KCNAB1: variants seen among roughly 807,000 people sequenced by gnomAD.
KCNAB1 encodes the protein voltage-gated potassium channel subunit beta-1.
Under a neutral mutation model 64.6 loss-of-function variants are expected in KCNAB1, and 35 were observed. The ratio of observed to expected loss-of-function variants is 0.54; its 90% confidence interval spans 0.41 to 0.72. The LOEUF (loss-of-function observed/expected upper bound fraction) is 0.72. Ranked by LOEUF, KCNAB1 falls within the 30% of genes least tolerant of loss-of-function variation. KCNAB1 has a pLI of 0.00. For synonymous variants in KCNAB1, 177 were observed against 183.8 expected, an observed-to-expected ratio of 0.96 and a Z score of 0.30; for missense variants, 401 against 512.9, an observed-to-expected ratio of 0.78 and a Z score of 2.11.
At chr3:156,229,726 C>T (rs1055816397) in intron 1 of KCNAB1, among the ~76,000 whole-genome samples, 2 of 152,160 alleles carry the variant, frequency 1.3e-5, no homozygotes, top group Non-Finnish European at 2.9e-5. Context: ...AGAAATGTAT[C>T]GAAGACCTTC....
At chr3:156,348,025 C>T (rs953123843) in intron 1 of KCNAB1, among the ~76,000 whole-genome samples, 8 of 152,068 alleles carry the variant, frequency 5.3e-5, no homozygotes, top group Non-Finnish European at 1.0e-4. Context: ...ACACAGGGCC[C>T]CTTTCTGCTA....
intron 8 of KCNAB1, among the ~76,000 whole-genome samples, chr3:156,478,972 C>T (rs1576919325): frequency 1.3e-5 from 2 of 152,248 alleles, no homozygotes; most frequent in Non-Finnish European, 2.9e-5. Flanking sequence ...CCATGGAATA[C>T]AGTTAGACAT....
chr3:156,187,531 A>C (rs533526410), intron 1 of KCNAB1, among the ~76,000 whole-genome samples: 1 of 152,294 alleles, frequency 6.6e-6, no homozygotes, highest in Admixed American at 6.5e-5. Flanking sequence ...GGAAAACAGT[A>C]TGATGAAGTA....
At chr3:156,243,085 T>C (rs1183954748) in intron 1 of KCNAB1, among the ~76,000 whole-genome samples, 1 of 151,886 alleles carries the variant, frequency 6.6e-6, no homozygotes, top group Admixed American at 6.6e-5. Context: ...AATTTTTGTA[T>C]TTTTAGGAGA....
intron 1 of KCNAB1, among the ~76,000 whole-genome samples, chr3:156,140,501 CTCT>C (rs1037902974): frequency 5.9e-5 from 9 of 152,110 alleles, no homozygotes; most frequent in African/African-American, 2.2e-4. Context: ...TACCTTTGGC[CTCT>C]TCTTATAAGG....
chr3:156,157,461 C>T (rs559256063), intron 1 of KCNAB1, among the ~76,000 whole-genome samples: 8 of 152,300 alleles, frequency 5.3e-5, no homozygotes, highest in Admixed American at 4.6e-4. Flanking sequence ...TCTCATGAAA[C>T]AGCATCTCTG....
chr3:156,498,517 C>T (rs991980364), intron 8 of KCNAB1, among the ~76,000 whole-genome samples: 9 of 152,188 alleles, frequency 5.9e-5, no homozygotes, highest in African/African-American at 1.9e-4. Context: ...CCATGTAAGA[C>T]GTGACTTGCT....
chr3:156,133,789 T>G (rs1159708903), intron 1 of KCNAB1, among the ~76,000 whole-genome samples: 2 of 152,194 alleles, frequency 1.3e-5, no homozygotes, highest in Non-Finnish European at 2.9e-5. Flanking sequence ...CCATTTCAAC[T>G]AGACTTACAC....
chr3:156,267,672 G>C (rs1056110840), intron 1 of KCNAB1, among the ~76,000 whole-genome samples: 3 of 152,108 alleles, frequency 2.0e-5, no homozygotes, highest in African/African-American at 7.2e-5. Flanking sequence ...TGCTGGTAGA[G>C]TCTTCCTCTC....
In KCNAB1 at chr3:156,374,165, G is replaced by A. The variant is rs183141433; in HGVS notation, c.276-47451G>A. The stretch of plus-strand genomic sequence containing the variant: ...TCTACTCCATAGGGAGTGACCAGGC[G>A]CCAGCTGCCTGCCAACTGGGTGGCC... On this transcript the variant is annotated intron_variant, in intron 1 of 13. Coordinates refer to ENST00000490337, the MANE Select transcript of KCNAB1 (RefSeq NM_172160.3). Among the ~76,000 whole-genome samples, 677 of 152,296 alleles carry A rather than the reference G, an allele frequency of 4.4e-3. 7 individuals are homozygous for A. The highest frequency in any genetic ancestry group is 0.014 in the African/African-American group (593 of 41,554).
chr3:156,142,975 G>C (rs949988946), intron 1 of KCNAB1: 8 of 1,259,784 alleles, frequency 6.4e-6, no homozygotes, highest in Non-Finnish European at 8.0e-6. Context: ...CACAGGCCTG[G>C]GCAGGGACAC....
intron 1 of KCNAB1, among the ~76,000 whole-genome samples, chr3:156,163,828 G>A (rs570795597): frequency 2.1e-3 from 320 of 152,196 alleles, no homozygotes; most frequent in African/African-American, 7.6e-3. Flanking sequence ...TTGTGGCAAC[G>A]GCAAACTTTG....
chr3:156,199,797 C>T lies in KCNAB1; in HGVS notation c.275+78911C>T, dbSNP rs911458746. ...TAGCTCAGAGGAGTTTGTTATTACCCACCTTCTGAAGCCTGCTTCTGTCAA... is the reference window on the plus strand; with the variant it reads ...TAGCTCAGAGGAGTTTGTTATTACCTACCTTCTGAAGCCTGCTTCTGTCAA... On this transcript the variant is annotated intron_variant, in intron 1 of 13. Transcript: ENST00000490337. Among the ~76,000 whole-genome samples, 6 of 152,146 alleles carry T rather than the reference C, an allele frequency of 3.9e-5. 1 individual carries two copies. Among genetic ancestry groups the T allele is most frequent in the Middle Eastern group, 6.3e-3 (2 of 316 alleles).
At chr3:156,281,903 T>C (rs1719750856) in intron 1 of KCNAB1, among the ~76,000 whole-genome samples, 1 of 148,016 alleles carries the variant, frequency 6.8e-6, no homozygotes, top group Non-Finnish European at 1.5e-5. Flanking sequence ...TTGTTGATCC[T>C]TTCAAAAAAC....
intron 1 of KCNAB1, among the ~76,000 whole-genome samples, chr3:156,387,238 C>T (rs1051237696): frequency 1.3e-5 from 2 of 151,948 alleles, no homozygotes; most frequent in African/African-American, 4.8e-5. Context: ...AAAGAATGAC[C>T]ACCTTTGTGC....
At chr3:156,377,978 T>C (rs906056804) in intron 1 of KCNAB1, among the ~76,000 whole-genome samples, 1 of 152,098 alleles carries the variant, frequency 6.6e-6, no homozygotes, top group Non-Finnish European at 1.5e-5. Context: ...GGAGGTGCTA[T>C]GGAAGGTGTG....
At chr3:156,432,854 G>C (rs1716322889) in intron 2 of KCNAB1, among the ~76,000 whole-genome samples, 1 of 152,112 alleles carries the variant, frequency 6.6e-6, no homozygotes, top group South Asian at 2.1e-4. Flanking sequence ...GTGACCTTCT[G>C]TCTGACTTCG....
intron 1 of KCNAB1, among the ~76,000 whole-genome samples, chr3:156,148,027 G>A (rs1402403478): frequency 6.6e-6 from 1 of 151,542 alleles, no homozygotes; most frequent in Non-Finnish European, 1.5e-5. Context: ...CATATTCACC[G>A]TCCTGCTCTG....
At chr3:156,172,828 TG>T (rs1288240699) in intron 1 of KCNAB1, among the ~76,000 whole-genome samples, 2 of 152,230 alleles carry the variant, frequency 1.3e-5, no homozygotes, top group Non-Finnish European at 2.9e-5. Flanking sequence ...AGCTGGGTTT[TG>T]CTAGCCATGG....
Sources: allele counts gnomAD v4.1 joint callset (sites outside exome capture counted in the v4.1 genomes callset), GRCh38; gene constraint gnomAD v4.1.1; transcripts MANE v1.5; gene names NCBI Gene and HGNC (gene_info 2026-07-23, HGNC 2026-07-21).